CTNNB1: variants seen among roughly 807,000 people sequenced by gnomAD.
CTNNB1 encodes catenin beta 1.
CTNNB1 carries 6 observed loss-of-function variants against 82.5 expected under a neutral mutation model. The observed-to-expected ratio is 0.07, with a 90% CI of 0.04 to 0.14. The LOEUF (loss-of-function observed/expected upper bound fraction) is 0.14, where lower values mean the gene tolerates loss of function less well. Ranked by LOEUF, CTNNB1 falls within the 10% of genes least tolerant of loss-of-function variation. The probability of loss-of-function intolerance (pLI) is 1.00; values close to 1 mark genes in which losing one functional copy is unlikely to be tolerated. For synonymous variants in CTNNB1, 312 were observed against 329.7 expected (o/e 0.95, Z 0.58); for missense variants, 529 against 980.4 (o/e 0.54, Z 6.15).
intron 6 of CTNNB1, among the ~76,000 whole-genome samples, chr3:41,226,507 A>G (rs538795530): frequency 2.3e-4 from 35 of 152,284 alleles, no homozygotes; most frequent in African/African-American, 7.5e-4. Context: ...TAGGTGAGAA[A>G]ACAACATCTT....
intron 1 of CTNNB1, among the ~76,000 whole-genome samples, chr3:41,204,725 G>A (rs2077610976): frequency 6.6e-6 from 1 of 152,184 alleles, no homozygotes; most frequent in Admixed American, 6.5e-5. Flanking sequence ...TTAAGATGCT[G>A]TATTCAGCAC....
rs774063140 is a variant in CTNNB1 at position 41,233,726 on chromosome 3, T to C, written c.1383T>C (p.Thr461=). ...GGGCTGGTGACAGGGAAGACATCAC[T>C]GAGCCTGCCATCTGTGCTCTTCGTC... ...VLRAGDREDI[T]EPAICALRHL... is the part of the protein sequence containing the mutation. The change falls in exon 9 of 15, where the codon ACT becomes ACC. Residue 461 remains threonine, a synonymous_variant. Coordinates refer to ENST00000349496, the MANE Select transcript of CTNNB1 (RefSeq NM_001904.4). 3.1e-6 allele frequency: 5 copies of C among 1,614,152 alleles called. No individual in the cohort carries two copies. The highest frequency in any genetic ancestry group is 1.1e-5 in the South Asian group (1 of 91,064).
At chr3:41,217,057 T>C (rs1389717399) in intron 1 of CTNNB1, among the ~76,000 whole-genome samples, 2 of 152,216 alleles carry the variant, frequency 1.3e-5, no homozygotes, top group Admixed American at 6.5e-5. Flanking sequence ...TTGGATTTTA[T>C]TTTACATCCT....
intron 1 of CTNNB1, among the ~76,000 whole-genome samples, chr3:41,206,634 C>T (rs1185111076): frequency 1.3e-5 from 2 of 151,820 alleles, no homozygotes; most frequent in Non-Finnish European, 1.5e-5. Flanking sequence ...AACTGTACTC[C>T]CTCTCTCTCT....
At chr3:41,205,563 C>T (rs1239757069) in intron 1 of CTNNB1, among the ~76,000 whole-genome samples, 1 of 152,072 alleles carries the variant, frequency 6.6e-6, no homozygotes, top group Non-Finnish European at 1.5e-5. Context: ...GTGATCCCAG[C>T]TGCTTGGAAG....
chr3:41,208,814 T>G (rs1046805567), intron 1 of CTNNB1, among the ~76,000 whole-genome samples: 2 of 152,148 alleles, frequency 1.3e-5, no homozygotes, highest in African/African-American at 2.4e-5. Context: ...TACTGTGGTA[T>G]CTCTCTTTTC....
At chr3:41,227,487 C>A in intron 7 of CTNNB1, 135 bp downstream of exon 7, 1 of 868,462 alleles carries the variant, frequency 1.2e-6, no homozygotes, top group Non-Finnish European at 1.9e-6. Flanking sequence ...CCAAGATTTA[C>A]ATTCAGAGTA....
chr3:41,205,607 C>T (rs901618530), intron 1 of CTNNB1, among the ~76,000 whole-genome samples: 4 of 151,950 alleles, frequency 2.6e-5, no homozygotes, highest in Non-Finnish European at 5.9e-5. Context: ...ACCTGGGAAG[C>T]GGAGGTTGCA....
intron 1 of CTNNB1, among the ~76,000 whole-genome samples, chr3:41,205,924 C>T (rs1454490440): frequency 6.6e-6 from 1 of 152,182 alleles, no homozygotes; most frequent in Non-Finnish European, 1.5e-5. Flanking sequence ...CGTGGAACCA[C>T]TGTAAAGTTT....
intron 1 of CTNNB1, among the ~76,000 whole-genome samples, chr3:41,205,484 C>T (rs753636632): frequency 6.6e-5 from 10 of 152,000 alleles, no homozygotes; most frequent in Non-Finnish European, 1.2e-4. Flanking sequence ...CACCTGAGGT[C>T]AGGAGTTCGA....
Position 41,225,916 on chromosome 3 carries a change from C to A in CTNNB1, c.936+55C>A. The A allele has an allele frequency of 1.3e-6, 2 of 1,489,016 alleles. No individual in the cohort carries two copies. Among genetic ancestry groups the A allele is most frequent in the South Asian group, 1.2e-5 (1 of 86,758 alleles). The allele number at this position is 1,489,016 out of a possible 1,614,324, so 92.2% of individuals were successfully genotyped here. A position where few individuals can be genotyped will look rare whatever the true frequency, so the allele number is the denominator to read the frequency against. On this transcript the variant is annotated intron_variant, in intron 6 of 14. Transcript: ENST00000349496. This position sits in a 1 kb window ranked among gnomAD's most constrained non-coding sequence, Gnocchi z 5.3. ...ATGGAGCATTGGACACCTCCAGTGTCATGTCATTCCATGCAGTGTTCCTAA... is the reference window on the plus strand; with the variant it reads ...ATGGAGCATTGGACACCTCCAGTGTAATGTCATTCCATGCAGTGTTCCTAA...
rs200991012 is a variant in CTNNB1 at position 41,239,261 on chromosome 3, T to A, written c.2265T>A (p.Asp755Glu). 3 of 1,614,198 alleles carry A rather than the reference T, an allele frequency of 1.9e-6. No homozygotes were observed. In the East Asian group the frequency reaches 6.7e-5, roughly 36 times the overall value. Residue 755 changes from aspartate to glutamate, a missense_variant, in exon 15 of 15, where the codon GAT becomes GAA. By Grantham distance (45) the Asp-to-Glu change is conservative (BLOSUM62 2). This residue lies in a region of CTNNB1 where 102 missense variants were observed against 130.8 expected (regional missense o/e 0.78). Transcript: ENST00000349496. ...GADYPVDGLP[D>E]LGHAQDLMDG... ...ACTATCCAGTTGATGGGCTGCCAGATCTGGGGCATGCCCAGGACCTCATGG... is the reference window on the plus strand; with the variant it reads ...ACTATCCAGTTGATGGGCTGCCAGAACTGGGGCATGCCCAGGACCTCATGG...
chr3:41,225,943 C>G lies in CTNNB1; in HGVS notation c.936+82C>G. The G allele has an allele frequency of 7.4e-7, 1 of 1,350,748 alleles. No homozygotes were observed. Among genetic ancestry groups the G allele is most frequent in the Non-Finnish European group, 1.0e-6 (1 of 956,454 alleles). The allele number at this position is 1,350,748 out of a possible 1,614,324, so 83.7% of individuals were successfully genotyped here. A position where few individuals can be genotyped will look rare whatever the true frequency, so the allele number is the denominator to read the frequency against. ...TGTCATTCCATGCAGTGTTCCTAAC[C>G]TTTTTGGCACCAGGGACCAGTTTCG... On this transcript the variant is annotated intron_variant, in intron 6 of 14. Coordinates refer to ENST00000349496, the MANE Select transcript of CTNNB1 (RefSeq NM_001904.4). This position sits in a 1 kb window ranked among gnomAD's most constrained non-coding sequence, Gnocchi z 5.3.
intron 7 of CTNNB1, chr3:41,233,074 C>T: frequency 1.8e-6 from 1 of 552,752 alleles, no homozygotes; most frequent in South Asian, 2.1e-5. Context: ...AGAATATTAC[C>T]TAAGGGGGAC....
chr3:41,209,534 TCA>T (rs1425061137), intron 1 of CTNNB1, among the ~76,000 whole-genome samples: 1 of 152,168 alleles, frequency 6.6e-6, no homozygotes, highest in African/African-American at 2.4e-5. Flanking sequence ...CAGAATAAAG[TCA>T]CGTGTCATTT....
At chr3:41,219,482 T>C (rs1459392858) in intron 1 of CTNNB1, among the ~76,000 whole-genome samples, 1 of 152,154 alleles carries the variant, frequency 6.6e-6, no homozygotes, top group Non-Finnish European at 1.5e-5. Flanking sequence ...CACAAAAATA[T>C]AAAAGGATGA....
rs2125653697 is a variant in CTNNB1 at position 41,239,252 on chromosome 3, G to A, written c.2256G>A (p.Gly752=). 6.2e-7 allele frequency: 1 copy of A among 1,614,222 alleles called. No homozygotes were observed. Among genetic ancestry groups the A allele is most frequent in the African/African-American group, 1.3e-5 (1 of 75,058 alleles). Reference sequence around the variant, plus strand: ...CTGGTGCTGACTATCCAGTTGATGGGCTGCCAGATCTGGGGCATGCCCAGG... The same window carrying A: ...CTGGTGCTGACTATCCAGTTGATGGACTGCCAGATCTGGGGCATGCCCAGG... ...HHPGADYPVD[G]LPDLGHAQDL... Residue 752 remains glycine (G), a synonymous_variant, in exon 15 of 15, where the codon GGG becomes GGA. Transcript: ENST00000349496.
chr3:41,216,816 A>C (rs11129892), intron 1 of CTNNB1, among the ~76,000 whole-genome samples: 10,190 of 152,212 alleles, frequency 0.067, 467 homozygotes, highest in Non-Finnish European at 0.1. Flanking sequence ...GATGCCTTGC[A>C]TACTTGATAT....
At chr3:41,218,589 A>C (rs1356986849) in intron 1 of CTNNB1, among the ~76,000 whole-genome samples, 1 of 152,252 alleles carries the variant, frequency 6.6e-6, no homozygotes, top group Non-Finnish European at 1.5e-5. Flanking sequence ...ATCATACTAT[A>C]AAATCCACAT....
Sources: gnomAD v4.1 joint callset for allele counts (sites outside exome capture counted in the v4.1 genomes callset) on GRCh38, gnomAD v4.1.1 for gene constraint, gnomAD v4.1.1 regional missense constraint, Gnocchi (gnomAD v3.1) non-coding constraint, MANE v1.5 for transcripts, NCBI Gene and HGNC (gene_info 2026-07-23, HGNC 2026-07-21) for gene names.